The following PDGFRL variants were observed in gnomAD, a reference collection of about 807,000 sequenced individuals.
PDGFRL encodes platelet-derived growth factor receptor-like protein.
A neutral mutation model predicts 37.2 loss-of-function variants in PDGFRL; 46 were observed. The observed-to-expected ratio is 1.24, with a 90% CI of 0.98 to 1.58. PDGFRL has a LOEUF of 1.58. PDGFRL is among the 40% of genes most tolerant of loss of function. The probability of loss-of-function intolerance (pLI) is 0.00; values close to 1 mark genes in which losing one functional copy is unlikely to be tolerated. For missense variants in PDGFRL, 692 were observed against 467.6 expected, an observed-to-expected ratio of 1.48 and a Z score of -4.43; for synonymous variants, 251 against 184.3, an observed-to-expected ratio of 1.36 and a Z score of -2.93.
chr8:17,593,077 T>C (rs559928559), intron 2 of PDGFRL, among the ~76,000 whole-genome samples: 1 of 152,266 alleles, frequency 6.6e-6, no homozygotes, highest in East Asian at 1.9e-4. Flanking sequence ...CTCTACCCTC[T>C]AGCATTGTGG....
intron 2 of PDGFRL, among the ~76,000 whole-genome samples, chr8:17,609,866 C>G (rs1804370355): frequency 2.0e-5 from 3 of 151,996 alleles, no homozygotes; most frequent in South Asian, 4.2e-4. Flanking sequence ...TCTCTGTAGT[C>G]TCTACACCAA....
chr8:17,581,064 C>T (rs9792294), intron 1 of PDGFRL, among the ~76,000 whole-genome samples: 4 of 151,842 alleles, frequency 2.6e-5, no homozygotes, highest in African/African-American at 9.7e-5. Context: ...CTCCATTCCT[C>T]AATGAGGTTA....
intron 2 of PDGFRL, among the ~76,000 whole-genome samples, chr8:17,599,978 A>G (rs557995414): frequency 4.6e-5 from 7 of 152,262 alleles, no homozygotes; most frequent in African/African-American, 1.4e-4. Flanking sequence ...AAAAGGATTT[A>G]TGGGTCCTTT....
Position 17,612,489 on chromosome 8 carries a change from G to A in PDGFRL, c.354-8562G>A, listed in dbSNP as rs576407763. Among the ~76,000 whole-genome samples the A allele has an allele frequency of 5.9e-5, 9 of 152,148 alleles. No homozygotes were observed. In the East Asian group the frequency reaches 1.7e-3, roughly 29 times the overall value. On this transcript the variant is annotated intron_variant, in intron 2 of 5. Coordinates refer to ENST00000251630, the MANE Select transcript of PDGFRL (RefSeq NM_001372073.1). ...GGGTTCAAGCTATTCTCCTGCCTCA[G>A]CCTTCTGAGTAGCTGAGATTACAAG...
intron 5 of PDGFRL, among the ~76,000 whole-genome samples, chr8:17,641,510 T>G (rs929881188): frequency 6.6e-6 from 1 of 152,206 alleles, no homozygotes; most frequent in African/African-American, 2.4e-5. Context: ...TAGAGTGTTC[T>G]CTATACAAGC....
chr8:17,640,044 C>A (rs540027314), intron 5 of PDGFRL, among the ~76,000 whole-genome samples: 2 of 152,142 alleles, frequency 1.3e-5, no homozygotes, highest in Admixed American at 6.5e-5. Flanking sequence ...TTCTGAAGTT[C>A]TTTCTTCTGG....
At chr8:17,610,680 G>A (rs922988393) in intron 2 of PDGFRL, among the ~76,000 whole-genome samples, 8 of 152,200 alleles carry the variant, frequency 5.3e-5, no homozygotes, top group Non-Finnish European at 7.3e-5. Flanking sequence ...GGAGGCCAAG[G>A]TGGCAGGATC....
At chr8:17,642,086 T>TACA (rs900084736) in intron 5 of PDGFRL, among the ~76,000 whole-genome samples, 1 of 152,168 alleles carries the variant, frequency 6.6e-6, no homozygotes, top group African/African-American at 2.4e-5. Context: ...CCATCCTTGG[T>TACA]ACAACTTTTC....
At chr8:17,635,524 T>A (rs1804954572) in intron 5 of PDGFRL, among the ~76,000 whole-genome samples, 1 of 152,228 alleles carries the variant, frequency 6.6e-6, no homozygotes, top group African/African-American at 2.4e-5. Flanking sequence ...ATCCACTCAT[T>A]GATTGATGGG....
At chr8:17,580,804 C>T (rs940001362) in intron 1 of PDGFRL, among the ~76,000 whole-genome samples, 10 of 152,092 alleles carry the variant, frequency 6.6e-5, no homozygotes, top group Non-Finnish European at 1.0e-4. Context: ...TTCTAAGATG[C>T]GGGTAGAATC....
intron 2 of PDGFRL, among the ~76,000 whole-genome samples, chr8:17,611,270 G>T (rs2129718553): frequency 6.6e-6 from 1 of 152,284 alleles, no homozygotes. Flanking sequence ...ACTCACATTG[G>T]ATAAAAAAGG....
chr8:17,627,141 G>A (rs146648931), intron 3 of PDGFRL, among the ~76,000 whole-genome samples: 1 of 152,332 alleles, frequency 6.6e-6, no homozygotes, highest in East Asian at 1.9e-4. Context: ...GGCAGTTACT[G>A]ACTGTGGCTG....
Position 17,589,712 on chromosome 8 carries a change from A to T in PDGFRL, c.300A>T (p.Arg100Ser). The part of the protein sequence containing the change: ...QTVELRCKGS[R>S]IGWSYPAYLD... ...TAGAGCTTCGATGTAAAGGGAGTAG[A>T]ATTGGGTGGAGCTACCCTGCGTATC... Residue 100 changes from arginine to serine, a missense_variant, in exon 2 of 6, where the codon AGA (arginine) becomes AGT (serine). Arg to Ser is a moderately radical substitution (Grantham distance 110). Transcript: ENST00000251630. 1 of 1,613,602 alleles carries T rather than the reference A, an allele frequency of 6.2e-7. No homozygotes were observed. Among genetic ancestry groups the T allele is most frequent in the Non-Finnish European group, 8.5e-7 (1 of 1,179,644 alleles).
intron 2 of PDGFRL, among the ~76,000 whole-genome samples, chr8:17,597,990 T>A (rs946588285): frequency 1.4e-5 from 1 of 71,970 alleles, no homozygotes; most frequent in African/African-American, 2.8e-5. Context: ...TCTTACCTAG[T>A]TCCCAGCTTG....
In PDGFRL at chr8:17,598,735, T is replaced by C. The variant is rs553755568; in HGVS notation, c.353+8970T>C. 8.5e-5 allele frequency among the ~76,000 whole-genome samples: 13 copies of C among 152,330 alleles called. 1 individual carries two copies. The South Asian group carries it at 2.7e-3, about 32-fold the overall frequency. ...TCATCTTGAATTATAGCTCCTGTAA[T>C]TCCCACATGTTGTGGGAGGGGCCCA... On this transcript the variant is annotated intron_variant, in intron 2 of 5. Coordinates refer to ENST00000251630, the MANE Select transcript of PDGFRL (RefSeq NM_001372073.1).
intron 2 of PDGFRL, among the ~76,000 whole-genome samples, chr8:17,610,445 G>T (rs904150195): frequency 1.3e-5 from 2 of 152,236 alleles, no homozygotes; most frequent in African/African-American, 4.8e-5. Context: ...TCAAATTAGG[G>T]ATGCTTAACT....
intron 1 of PDGFRL, among the ~76,000 whole-genome samples, chr8:17,585,227 G>A (rs770545121): frequency 2.1e-4 from 32 of 152,146 alleles, no homozygotes; most frequent in Non-Finnish European, 3.7e-4. Context: ...ACCACAACCT[G>A]TTTTATCAGC....
intron 3 of PDGFRL, among the ~76,000 whole-genome samples, chr8:17,625,418 G>C (rs946566861): frequency 2.0e-5 from 3 of 151,568 alleles, no homozygotes; most frequent in Non-Finnish European, 4.4e-5. Flanking sequence ...CCAAAGTGCC[G>C]GGATTACAGG....
chr8:17,598,962 A>C (rs1024613106), intron 2 of PDGFRL, among the ~76,000 whole-genome samples: 1 of 152,154 alleles, frequency 6.6e-6, no homozygotes, highest in African/African-American at 2.4e-5. Flanking sequence ...CTGTGAATCC[A>C]TTCAACTTCT....
Sources: allele counts gnomAD v4.1 joint callset (sites outside exome capture counted in the v4.1 genomes callset), GRCh38; gene constraint gnomAD v4.1.1; transcripts MANE v1.5; gene names NCBI Gene and HGNC (gene_info 2026-07-23, HGNC 2026-07-21).